The following MPP4 variants were observed in gnomAD, a reference collection of about 807,000 sequenced individuals.
MPP4 encodes the protein MAGUK p55 scaffold protein 4.
A neutral mutation model predicts 98.3 loss-of-function variants in MPP4; 91 were observed. The observed-to-expected ratio is 0.93, with a 90% CI of 0.78 to 1.10. MPP4 has a LOEUF of 1.10. MPP4 is among the 50% of genes least tolerant of loss of function. The pLI is 0.00. For synonymous variants in MPP4, 261 were observed against 271.8 expected, an observed-to-expected ratio of 0.96 and a Z score of 0.39; for missense variants, 744 against 792.9, an observed-to-expected ratio of 0.94 and a Z score of 0.74.
chr2:201,677,149 T>C (rs1305546945), intron 10 of MPP4, among the ~76,000 whole-genome samples: 1 of 152,168 alleles, frequency 6.6e-6, no homozygotes, highest in Non-Finnish European at 1.5e-5. Flanking sequence ...TCTCTCTCTA[T>C]CTCTGTCTCT....
intron 4 of MPP4, among the ~76,000 whole-genome samples, chr2:201,689,567 T>A (rs1428773141): frequency 1.3e-5 from 2 of 151,968 alleles, no homozygotes; most frequent in African/African-American, 4.8e-5. Flanking sequence ...GGTGGTGAGA[T>A]CCTGGATATA....
intron 20 of MPP4, 44 bp downstream of exon 20, chr2:201,649,532 C>G (rs775891823): frequency 7.3e-7 from 1 of 1,366,308 alleles, no homozygotes; most frequent in South Asian, 1.2e-5. Context: ...ATGGATGATA[C>G]GCATTCATTG....
chr2:201,650,789 C>T (rs113899267), intron 18 of MPP4: 50 of 985,318 alleles, frequency 5.1e-5, no homozygotes, highest in East Asian at 3.4e-4. Flanking sequence ...AATACCCAAC[C>T]GAGTGGTGAT....
chr2:201,649,513 G>T (rs1687657982), intron 20 of MPP4, 63 bp downstream of exon 20: 1 of 1,209,674 alleles, frequency 8.3e-7, no homozygotes. Flanking sequence ...TACAGCATGT[G>T]CACAAAAAAT....
intron 4 of MPP4, 48 bp from the exon 5 acceptor site, chr2:201,687,419 T>C: frequency 7.0e-7 from 1 of 1,437,248 alleles, no homozygotes; most frequent in East Asian, 2.5e-5. Context: ...AAAATCTTTA[T>C]CACCTACTTA....
At chr2:201,651,084 C>T in intron 18 of MPP4, 11 of 985,358 alleles carry the variant, frequency 1.1e-5, no homozygotes, top group Non-Finnish European at 1.2e-5. Context: ...TAAAGCTAGT[C>T]CCTTAATCTA....
chr2:201,663,604 T>C (rs1688085290), intron 14 of MPP4, among the ~76,000 whole-genome samples: 1 of 152,188 alleles, frequency 6.6e-6, no homozygotes, highest in Admixed American at 6.5e-5. Context: ...TAGTCCCAGC[T>C]ACTTGGGAGG....
intron 18 of MPP4, chr2:201,650,790 G>T: frequency 1.0e-6 from 1 of 985,340 alleles, no homozygotes; most frequent in Non-Finnish European, 1.2e-6. Flanking sequence ...ATACCCAACC[G>T]AGTGGTGATT....
In MPP4 at chr2:201,685,148, G is replaced by A. The variant is rs370797639; in HGVS notation, c.493-3C>T. ...TCGTGGCGCTTGATGGTGGCTCCCTGAAGAGAGAATAGACGAGATCCCTCT... is the reference window on the plus strand; with the variant it reads ...TCGTGGCGCTTGATGGTGGCTCCCTAAAGAGAGAATAGACGAGATCCCTCT... On this transcript the variant is annotated splice_polypyrimidine_tract_variant and splice_region_variant and intron_variant, in intron 6 of 21. Coordinates refer to ENST00000409474, the MANE Select transcript of MPP4 (RefSeq NM_033066.3). 1.6e-4 allele frequency: 252 copies of A among 1,608,484 alleles called. No individual in the cohort carries two copies. The highest frequency in any genetic ancestry group is 9.0e-4 in the East Asian group (40 of 44,682).
chr2:201,652,167 G>C (rs763847447), intron 18 of MPP4: 2 of 225,456 alleles, frequency 8.9e-6, no homozygotes, highest in Non-Finnish European at 1.5e-5. Context: ...CAAAATTCTA[G>C]CAGTTTCCTG....
chr2:201,651,913 A>G, intron 18 of MPP4: 7 of 601,878 alleles, frequency 1.2e-5, no homozygotes, highest in Non-Finnish European at 1.5e-5. Context: ...AGATAACACC[A>G]CGGCACTCCA....
intron 7 of MPP4, among the ~76,000 whole-genome samples, chr2:201,683,866 T>C (rs1688736839): frequency 6.6e-6 from 1 of 152,082 alleles, no homozygotes; most frequent in East Asian, 1.9e-4. Flanking sequence ...AAGCATGTGC[T>C]AGGTTTTAGG....
At chr2:201,661,824 C>A (rs191531983) in intron 14 of MPP4, among the ~76,000 whole-genome samples, 120 of 152,262 alleles carry the variant, frequency 7.9e-4, no homozygotes, top group African/African-American at 2.8e-3. Flanking sequence ...TCACCCACTG[C>A]TTCTCCTTCC....
chr2:201,688,680 C>A (rs868062299), intron 4 of MPP4, among the ~76,000 whole-genome samples: 3 of 151,082 alleles, frequency 2.0e-5, no homozygotes, highest in Admixed American at 6.6e-5. Context: ...GTGGTGTGAT[C>A]TCGGCTCACT....
At chr2:201,662,321 T>C (rs1688051468) in intron 14 of MPP4, among the ~76,000 whole-genome samples, 1 of 150,094 alleles carries the variant, frequency 6.7e-6, no homozygotes, top group South Asian at 2.1e-4. Context: ...CTGAGCAACA[T>C]GGAAACCCGT....
At chr2:201,683,660 G>A (rs534588308) in intron 7 of MPP4, among the ~76,000 whole-genome samples, 1 of 152,036 alleles carries the variant, frequency 6.6e-6, no homozygotes, top group East Asian at 1.9e-4. Flanking sequence ...GCTGAGGCAG[G>A]AGAATTGCTT....
At chr2:201,676,918 A>G (rs1688521925) in intron 10 of MPP4, among the ~76,000 whole-genome samples, 1 of 152,176 alleles carries the variant, frequency 6.6e-6, no homozygotes, top group African/African-American at 2.4e-5. Flanking sequence ...AAACATTTAA[A>G]AAGTAAGGCT....
At position 201,692,893 on chromosome 2, in the gene MPP4, C is replaced by G; in HGVS notation, c.201+15G>C. 6.2e-7 allele frequency: 1 copy of G among 1,603,450 alleles called. No homozygotes were observed. The highest frequency in any genetic ancestry group is 8.5e-7 in the Non-Finnish European group (1 of 1,175,158). ...CCTTCAGCAAGCAAAGGCTTCCGAGCAAAGAAGCACTCACCTTTAGCAGAG... is the reference window on the plus strand; with the variant it reads ...CCTTCAGCAAGCAAAGGCTTCCGAGGAAAGAAGCACTCACCTTTAGCAGAG... On this transcript the variant is annotated intron_variant, in intron 3 of 21. Transcript: ENST00000409474.
intron 18 of MPP4, chr2:201,651,573 C>T (rs893031352): frequency 2.0e-6 from 2 of 984,978 alleles, no homozygotes; most frequent in Non-Finnish European, 2.4e-6. Flanking sequence ...AGTATTTTCT[C>T]ACTTTGAATG....
Sources: gnomAD v4.1 joint callset for allele counts (sites outside exome capture counted in the v4.1 genomes callset) on GRCh38, gnomAD v4.1.1 for gene constraint, MANE v1.5 for transcripts, NCBI Gene and HGNC (gene_info 2026-07-23, HGNC 2026-07-21) for gene names.